The following NRXN3 variants were observed in gnomAD, a reference collection of about 807,000 sequenced individuals.
The protein encoded by NRXN3 is neurexin 3.
In NRXN3, 32 loss-of-function variants were observed where a neutral mutation model predicts 137.6. The observed-to-expected ratio is 0.23, with a 90% CI of 0.18 to 0.31. NRXN3 has a LOEUF of 0.31. NRXN3 is among the 10% of genes least tolerant of loss of function. NRXN3 has a pLI of 1.00. For missense variants in NRXN3, 1,574 were observed against 2,062.5 expected, an observed-to-expected ratio of 0.76 and a Z score of 4.59; for synonymous variants, 798 against 784.5, an observed-to-expected ratio of 1.02 and a Z score of -0.29.
chr14:78,796,982 A>T (rs1431814830), intron 8 of NRXN3, among the ~76,000 whole-genome samples: 1 of 152,208 alleles, frequency 6.6e-6, no homozygotes, highest in Non-Finnish European at 1.5e-5. Flanking sequence ...ATGAGGCAAG[A>T]TCATAAACTT....
chr14:79,638,425 A>G (rs1280698193), intron 16 of NRXN3, among the ~76,000 whole-genome samples: 1 of 152,204 alleles, frequency 6.6e-6, no homozygotes, highest in African/African-American at 2.4e-5. Flanking sequence ...GAAAACTGAC[A>G]GAGTGACGTA....
intron 19 of NRXN3, among the ~76,000 whole-genome samples, chr14:79,704,572 G>A (rs1402738971): frequency 1.3e-5 from 2 of 152,078 alleles, no homozygotes; most frequent in African/African-American, 4.8e-5. Context: ...TAGGATCAGG[G>A]CTCAACTAAT....
chr14:78,995,393 T>G (rs1019328721), intron 15 of NRXN3, among the ~76,000 whole-genome samples: 1 of 152,224 alleles, frequency 6.6e-6, no homozygotes, highest in Non-Finnish European at 1.5e-5. Flanking sequence ...CCAACATATG[T>G]CATACAGCAC....
chr14:78,704,664 C>A (rs1042896778), intron 6 of NRXN3, among the ~76,000 whole-genome samples: 20 of 152,082 alleles, frequency 1.3e-4, no homozygotes, highest in Non-Finnish European at 2.8e-4. Flanking sequence ...TATCCTTACC[C>A]CAGTGCAGTC....
intron 15 of NRXN3, among the ~76,000 whole-genome samples, chr14:78,996,431 T>C (rs1159918242): frequency 6.6e-6 from 1 of 152,168 alleles, no homozygotes; most frequent in Non-Finnish European, 1.5e-5. Flanking sequence ...GCCAATATCT[T>C]CTTAATGCCT....
At position 78,238,945 on chromosome 14, in the gene NRXN3, T is replaced by C. The variant is rs187139439; in HGVS notation, c.-703-3446T>C. Among the ~76,000 whole-genome samples, 121 of 152,336 alleles carry C rather than the reference T, an allele frequency of 7.9e-4. 1 individual carries two copies. Among genetic ancestry groups the C allele is most frequent in the Non-Finnish European group, 1.2e-3 (85 of 68,032 alleles). On this transcript the variant is annotated intron_variant, in intron 1 of 20. Coordinates refer to ENST00000335750, the MANE Select transcript of NRXN3 (RefSeq NM_001330195.2). ...GAATGTTTCTGGGCAGCAGAGTTTT[T>C]CATTCATGGGTTTCCTCAGGTCACT...
At chr14:79,449,131 T>C (rs1250984281) in intron 15 of NRXN3, among the ~76,000 whole-genome samples, 1 of 152,168 alleles carries the variant, frequency 6.6e-6, no homozygotes, top group Non-Finnish European at 1.5e-5. Context: ...TCGCAGGGAA[T>C]TGCTCTGCAT....
At position 78,807,622 on chromosome 14, in the gene NRXN3, C is replaced by G. The variant is rs533331087; in HGVS notation, c.2249-2696C>G. On this transcript the variant is annotated intron_variant, in intron 9 of 20. Coordinates refer to ENST00000335750, the MANE Select transcript of NRXN3 (RefSeq NM_001330195.2). Reference sequence around the variant, plus strand: ...TGGTGGTGCGTGCCTGTGATCCCAGCTACTCGAGAGGCTGAGGCAGGAGAA... The same window carrying G: ...TGGTGGTGCGTGCCTGTGATCCCAGGTACTCGAGAGGCTGAGGCAGGAGAA... Among the ~76,000 whole-genome samples, 27 of 151,466 alleles carry G rather than the reference C, an allele frequency of 1.8e-4. 1 individual carries two copies. In the South Asian group the frequency reaches 5.7e-3, roughly 32 times the overall value.
At chr14:79,369,587 C>T (rs938843193) in intron 15 of NRXN3, among the ~76,000 whole-genome samples, 8 of 152,210 alleles carry the variant, frequency 5.3e-5, no homozygotes, top group African/African-American at 1.9e-4. Context: ...ATCCCACTTA[C>T]ATCCTGTAGC....
intron 4 of NRXN3, among the ~76,000 whole-genome samples, chr14:78,462,796 A>T (rs564586108): frequency 6.6e-6 from 1 of 152,312 alleles, no homozygotes; most frequent in African/African-American, 2.4e-5. Flanking sequence ...AATTTAAAAC[A>T]TATCCTAGGG....
At chr14:79,141,666 T>A (rs1568411985) in intron 15 of NRXN3, among the ~76,000 whole-genome samples, 2 of 152,196 alleles carry the variant, frequency 1.3e-5, no homozygotes, top group Non-Finnish European at 2.9e-5. Context: ...AGTAGTTAGT[T>A]ATTCTTGTTT....
At chr14:79,305,557 T>C (rs1389877318) in intron 15 of NRXN3, among the ~76,000 whole-genome samples, 2 of 152,076 alleles carry the variant, frequency 1.3e-5, no homozygotes, top group Non-Finnish European at 1.5e-5. Context: ...CTGAGGTTCA[T>C]AGAAAGTAAA....
intron 18 of NRXN3, among the ~76,000 whole-genome samples, chr14:79,692,474 T>G (rs1045948793): frequency 4.6e-5 from 7 of 152,116 alleles, no homozygotes; most frequent in Non-Finnish European, 1.0e-4. Context: ...GGGACTAACT[T>G]CTAGCCTGCT....
intron 20 of NRXN3, among the ~76,000 whole-genome samples, chr14:79,824,131 G>C (rs117133763): frequency 1.2e-4 from 19 of 152,252 alleles, no homozygotes; most frequent in Non-Finnish European, 2.5e-4. Flanking sequence ...CTGTACATCT[G>C]CTGGTTAGAT....
intron 15 of NRXN3, among the ~76,000 whole-genome samples, chr14:79,219,466 A>C (rs745830696): frequency 1.3e-5 from 2 of 152,108 alleles, no homozygotes; most frequent in Non-Finnish European, 2.9e-5. Context: ...TATCATTACC[A>C]TTAGTACAAT....
chr14:79,218,572 A>T (rs1192830903), intron 15 of NRXN3, among the ~76,000 whole-genome samples: 3 of 152,118 alleles, frequency 2.0e-5, no homozygotes, highest in Admixed American at 2.0e-4. Flanking sequence ...AAGCTGGGAT[A>T]AAAAAAGGAG....
intron 6 of NRXN3, among the ~76,000 whole-genome samples, chr14:78,669,128 A>T (rs766115640): frequency 1.4e-4 from 22 of 152,320 alleles, no homozygotes; most frequent in Non-Finnish European, 2.9e-4. Flanking sequence ...TTAAAAAAAA[A>T]TTTTAAGAGT....
chr14:78,775,112 T>A (rs2098740819), intron 8 of NRXN3, among the ~76,000 whole-genome samples: 1 of 152,228 alleles, frequency 6.6e-6, no homozygotes, highest in Non-Finnish European at 1.5e-5. Flanking sequence ...TCCTGCATAA[T>A]GTGATTTATA....
chr14:79,727,487 T>G (rs531502071), intron 19 of NRXN3, among the ~76,000 whole-genome samples: 37 of 152,274 alleles, frequency 2.4e-4, no homozygotes, highest in Non-Finnish European at 3.7e-4. Context: ...AATTGCAACT[T>G]CAGGGTAGAA....
Sources: gnomAD v4.1 joint callset for allele counts (sites outside exome capture counted in the v4.1 genomes callset) on GRCh38, gnomAD v4.1.1 for gene constraint, MANE v1.5 for transcripts, NCBI Gene and HGNC (gene_info 2026-07-23, HGNC 2026-07-21) for gene names.